ZNF66: variants seen among roughly 807,000 people sequenced by gnomAD.
The protein encoded by ZNF66 is putative zinc finger protein 66.
In ZNF66, 32 loss-of-function variants were observed where a neutral mutation model predicts 35.2. The observed-to-expected ratio is 0.91, with a 90% CI of 0.69 to 1.22. The LOEUF (loss-of-function observed/expected upper bound fraction) is 1.22, where lower values mean the gene tolerates loss of function less well. Among genes scored for constraint, ZNF66 ranks in the 50% most tolerant of loss-of-function variants. The pLI, the probability that ZNF66 is intolerant of heterozygous loss-of-function variation, is 0.00. For synonymous variants in ZNF66, 231 were observed against 181.3 expected, an observed-to-expected ratio of 1.27 and a Z score of -2.20; for missense variants, 666 against 543.1, an observed-to-expected ratio of 1.23 and a Z score of -2.25.
chr19:20,785,753 T>TTTTG (rs967880131), intron 1 of ZNF66, among the ~76,000 whole-genome samples: 3 of 150,048 alleles, frequency 2.0e-5, no homozygotes, highest in Admixed American at 6.6e-5. Flanking sequence ...CTTTTTCTGT[T>TTTTG]TTTGTTTGTT....
At chr19:20,805,107 T>TGTG (rs1555783673) in intron 3 of ZNF66, among the ~76,000 whole-genome samples, 4 of 147,930 alleles carry the variant, frequency 2.7e-5, no homozygotes, top group South Asian at 4.3e-4. Context: ...CAATTTACAT[T>TGTG]TGTGTGTGTG....
At position 20,793,327 on chromosome 19, in the gene ZNF66, C is replaced by CTT. The variant is rs879637768; in HGVS notation, c.131-453_131-452dup. On this transcript the variant is annotated intron_variant, in intron 2 of 3. Coordinates refer to ENST00000344519, the MANE Select transcript of ZNF66 (RefSeq NM_001355197.2). ...CTTTTCTTTTCTTTTCTTTTCTTTT[C>CTT]TTTTCTTTTTTTTTTTTTTTTGAGA... 6.3e-3 allele frequency among the ~76,000 whole-genome samples: 473 copies of CTT among 74,588 alleles called. 42 individuals carry two copies. The highest frequency in any genetic ancestry group is 0.015 in the African/African-American group (301 of 20,320). The allele number at this position is 74,588 out of a possible 152,430, so 48.9% of individuals were successfully genotyped here.
chr19:20,808,153 G>C lies in ZNF66; in HGVS notation c.*831G>C, dbSNP rs945477867. Among the ~76,000 whole-genome samples the C allele has an allele frequency of 6.6e-6, 1 of 152,194 alleles. No individual in the cohort carries two copies. The highest frequency in any genetic ancestry group is 2.4e-5 in the African/African-American group (1 of 41,448). ...CAAACTGCAAGGCAGCAGCGAGGCTGGGGGAGGAGCGCCTGCCATTGCCCA... is the reference window on the plus strand; with the variant it reads ...CAAACTGCAAGGCAGCAGCGAGGCTCGGGGAGGAGCGCCTGCCATTGCCCA... On this transcript the variant is annotated 3_prime_UTR_variant, in exon 4 of 4. Coordinates refer to ENST00000344519, the MANE Select transcript of ZNF66 (RefSeq NM_001355197.2).
intron 1 of ZNF66, among the ~76,000 whole-genome samples, chr19:20,779,931 A>G (rs1971230715): frequency 6.8e-6 from 1 of 147,708 alleles, no homozygotes; most frequent in Non-Finnish European, 1.5e-5. Flanking sequence ...TCTGTCTCAA[A>G]AAAAAAAAAA....
chr19:20,795,289 G>A (rs551535594), intron 3 of ZNF66, among the ~76,000 whole-genome samples: 1 of 152,098 alleles, frequency 6.6e-6, no homozygotes, highest in African/African-American at 2.4e-5. Flanking sequence ...GAATTTGATG[G>A]AGTAAACACC....
Position 20,806,977 on chromosome 19 carries a change from C to A in ZNF66, c.1377C>A (p.Gly459=), listed in dbSNP as rs769251817. The A allele has an allele frequency of 9.4e-7, 1 of 1,062,826 alleles. No individual in the cohort carries two copies. The highest frequency in any genetic ancestry group is 1.5e-6 in the Non-Finnish European group (1 of 679,606). The allele number at this position is 1,062,826 out of a possible 1,614,324, so 65.8% of individuals were successfully genotyped here. A position where few individuals can be genotyped will look rare whatever the true frequency, so the allele number is the denominator to read the frequency against. Residue 459 remains glycine (G), a synonymous_variant, in exon 4 of 4, where the codon GGC becomes GGA. Coordinates refer to ENST00000344519, the MANE Select transcript of ZNF66 (RefSeq NM_001355197.2). ...GEKPYECEDC[G]KAFNRSSNLT... ...AACCCTACGAATGTGAAGACTGTGG[C>A]AAAGCCTTTAACCGCTCCTCTAACC...
chr19:20,803,844 G>A (rs1335586012), intron 3 of ZNF66, among the ~76,000 whole-genome samples: 2 of 152,090 alleles, frequency 1.3e-5, no homozygotes, highest in Non-Finnish European at 2.9e-5. Context: ...TAAAATTGTG[G>A]TGATGCTATT....
At chr19:20,790,322 T>C (rs2144899968) in intron 1 of ZNF66, among the ~76,000 whole-genome samples, 1 of 152,348 alleles carries the variant, frequency 6.6e-6, no homozygotes, top group African/African-American at 2.4e-5. Flanking sequence ...CTCATGTGAC[T>C]CTAAGGTGAG....
At chr19:20,795,241 A>T (rs1004482583) in intron 3 of ZNF66, among the ~76,000 whole-genome samples, 1 of 151,822 alleles carries the variant, frequency 6.6e-6, no homozygotes, top group Non-Finnish European at 1.5e-5. Flanking sequence ...AAATAGAAGC[A>T]TTGACAATGG....
chr19:20,790,242 T>C (rs1422393478), intron 1 of ZNF66, among the ~76,000 whole-genome samples: 1 of 152,170 alleles, frequency 6.6e-6, no homozygotes, highest in Non-Finnish European at 1.5e-5. Flanking sequence ...TGCAGAAATC[T>C]CTTGTGCCCT....
At chr19:20,784,159 A>G (rs1186913808) in intron 1 of ZNF66, among the ~76,000 whole-genome samples, 1 of 152,162 alleles carries the variant, frequency 6.6e-6, no homozygotes, top group Non-Finnish European at 1.5e-5. Flanking sequence ...AGTATTTTCT[A>G]CAATATTATG....
rs566791817 is a variant in ZNF66, at chr19:20,809,533, C to G, written c.*2211C>G. The stretch of plus-strand genomic sequence containing the variant: ...AGAGTGGGGGCCAATATTCAACATT[C>G]TTAAAGAAAAGAATTTTCAACCCAG... On this transcript the variant is annotated 3_prime_UTR_variant, in exon 4 of 4. Coordinates refer to ENST00000344519, the MANE Select transcript of ZNF66 (RefSeq NM_001355197.2). Among the ~76,000 whole-genome samples the G allele has an allele frequency of 2.0e-5, 3 of 152,130 alleles. No homozygotes were observed. In the East Asian group the frequency reaches 5.8e-4, roughly 30 times the overall value.
At chr19:20,791,284 A>G (rs1971334436) in intron 1 of ZNF66, among the ~76,000 whole-genome samples, 1 of 152,258 alleles carries the variant, frequency 6.6e-6, no homozygotes, top group East Asian at 1.9e-4. Context: ...CAGGAATTCG[A>G]GACCAACCTG....
intron 3 of ZNF66, among the ~76,000 whole-genome samples, chr19:20,795,229 T>C (rs1237989160): frequency 6.6e-6 from 1 of 151,930 alleles, no homozygotes; most frequent in Admixed American, 6.6e-5. Flanking sequence ...ATCACTACAT[T>C]CAAATAGAAG....
chr19:20,778,782 CAAAAAA>C (rs561812056), intron 1 of ZNF66, among the ~76,000 whole-genome samples: 3 of 85,402 alleles, frequency 3.5e-5, no homozygotes, highest in South Asian at 3.7e-4. Context: ...GACTTCGTCT[CAAAAAA>C]AAAAAAAAAA....
rs1351463035 is a variant in ZNF66, at chr19:20,807,814, G to GTCTGATGTACCAGGTTCA, written c.*496_*513dup. On this transcript the variant is annotated 3_prime_UTR_variant, in exon 4 of 4. Coordinates refer to ENST00000344519, the MANE Select transcript of ZNF66 (RefSeq NM_001355197.2). ...GAAGATGGGTGATTTCTGCATTTCC[G>GTCTGATGTACCAGGTTCA]TCTGATGTACCAGGTTCATCTCACT... 2.0e-5 allele frequency among the ~76,000 whole-genome samples: 3 copies of GTCTGATGTACCAGGTTCA among 152,090 alleles called. No individual in the cohort carries two copies. Among genetic ancestry groups the GTCTGATGTACCAGGTTCA allele is most frequent in the Non-Finnish European group, 2.9e-5 (2 of 68,022 alleles).
chr19:20,805,821 T>C lies in ZNF66; in HGVS notation c.227-6T>C. 1 of 559,782 alleles carries C rather than the reference T, an allele frequency of 1.8e-6. No homozygotes were observed. The highest frequency in any genetic ancestry group is 3.4e-5 in the South Asian group (1 of 29,024). 34.7% of individuals were successfully genotyped at this position (559,782 alleles called of 1,614,324 possible). On this transcript the variant is annotated splice_polypyrimidine_tract_variant and splice_region_variant and intron_variant, in intron 3 of 3. Coordinates refer to ENST00000344519, the MANE Select transcript of ZNF66 (RefSeq NM_001355197.2). ...TGAAGTAGTGTGTTTTTATGGTTTC[T>C]TTCAGTTTTGTGTTCTCATTTTAAC... is the stretch of plus-strand genomic sequence containing the variant.
chr19:20,798,680 A>AT (rs1971418152), intron 3 of ZNF66, among the ~76,000 whole-genome samples: 1 of 152,084 alleles, frequency 6.6e-6, no homozygotes, highest in African/African-American at 2.4e-5. Context: ...ACAACTGCTC[A>AT]TTTTACACTC....
intron 3 of ZNF66, among the ~76,000 whole-genome samples, chr19:20,796,138 G>A (rs1971389731): frequency 2.0e-5 from 3 of 151,888 alleles, no homozygotes; most frequent in South Asian, 2.1e-4. Flanking sequence ...GTTCTCCAAC[G>A]TTAATGTACC....
Sources: gnomAD v4.1 joint callset for allele counts (sites outside exome capture counted in the v4.1 genomes callset) on GRCh38, gnomAD v4.1.1 for gene constraint, MANE v1.5 for transcripts, NCBI Gene and HGNC (gene_info 2026-07-23, HGNC 2026-07-21) for gene names.